BCAS3: variants seen among roughly 807,000 people sequenced by gnomAD.
BCAS3 encodes BCAS4/BCAS3 fusion.
Under a neutral mutation model 116.1 loss-of-function variants are expected in BCAS3, and 53 were observed. The observed-to-expected ratio is 0.46, with a 90% CI of 0.37 to 0.57. The LOEUF (loss-of-function observed/expected upper bound fraction) is 0.57, where lower values mean the gene tolerates loss of function less well. Ranked by LOEUF, BCAS3 falls within the 20% of genes least tolerant of loss-of-function variation. BCAS3 has a pLI of 0.00. For missense variants in BCAS3, 917 were observed against 1,165.4 expected (o/e 0.79, Z 3.10); for synonymous variants, 391 against 408.2 (o/e 0.96, Z 0.51).
At chr17:60,712,857 A>G (rs751337206) in intron 5 of BCAS3, among the ~76,000 whole-genome samples, 3 of 152,144 alleles carry the variant, frequency 2.0e-5, no homozygotes, top group Non-Finnish European at 2.9e-5. Context: ...CAGTTTTGAG[A>G]GTTAGTAAAT....
chr17:61,149,671 CAT>C (rs2077439751), intron 22 of BCAS3, among the ~76,000 whole-genome samples: 1 of 152,120 alleles, frequency 6.6e-6, no homozygotes, highest in African/African-American at 2.4e-5. Context: ...GAGAAGCACA[CAT>C]GTGTTGGGAA....
chr17:61,178,042 T>C (rs993859884), intron 22 of BCAS3, among the ~76,000 whole-genome samples: 1 of 152,164 alleles, frequency 6.6e-6, no homozygotes, highest in African/African-American at 2.4e-5. Flanking sequence ...TTTGAATGTT[T>C]GAGTTGGTGT....
intron 7 of BCAS3, chr17:60,851,381 G>A (rs144965965): frequency 4.3e-5 from 16 of 368,188 alleles, no homozygotes; most frequent in Middle Eastern, 5.0e-4. Flanking sequence ...CCGCCACCAG[G>A]ATGCCCGAGA....
intron 6 of BCAS3, among the ~76,000 whole-genome samples, chr17:60,752,343 T>C (rs948372226): frequency 1.3e-5 from 2 of 152,204 alleles, no homozygotes; most frequent in Non-Finnish European, 2.9e-5. Flanking sequence ...TACTTCCGTA[T>C]ATGTACATTT....
intron 7 of BCAS3, among the ~76,000 whole-genome samples, chr17:60,844,600 G>T (rs1302208113): frequency 6.6e-6 from 1 of 152,078 alleles, no homozygotes; most frequent in African/African-American, 2.4e-5. Flanking sequence ...CTTGCCCTTG[G>T]TTCAGATACC....
chr17:60,997,932 A>C (rs1284322531), intron 15 of BCAS3, among the ~76,000 whole-genome samples: 2 of 152,176 alleles, frequency 1.3e-5, no homozygotes, highest in Non-Finnish European at 2.9e-5. Context: ...TTGGACTTCC[A>C]TTGATTCCGT....
chr17:61,160,026 G>T (rs1188112123), intron 22 of BCAS3, among the ~76,000 whole-genome samples: 3 of 150,312 alleles, frequency 2.0e-5, no homozygotes, highest in Non-Finnish European at 3.0e-5. Context: ...AGTCTCGCTG[G>T]TATCTTTGAT....
chr17:61,198,764 A>C lies in BCAS3; in HGVS notation c.2425+114200A>C, dbSNP rs1231772121. Reference sequence around the variant, plus strand: ...AACCTTAAGTGTAAAAATGAGACAGAGGCTTAGAGGTGTCCTCGGAATTTT... The same window carrying C: ...AACCTTAAGTGTAAAAATGAGACAGCGGCTTAGAGGTGTCCTCGGAATTTT... On this transcript the variant is annotated intron_variant, in intron 22 of 23. Transcript: ENST00000407086. This position sits in a 1 kb window ranked among gnomAD's most constrained non-coding sequence, Gnocchi z 5.0. Among the ~76,000 whole-genome samples the C allele has an allele frequency of 6.6e-6, 1 of 152,226 alleles. No homozygotes were observed. Among genetic ancestry groups the C allele is most frequent in the Non-Finnish European group, 1.5e-5 (1 of 68,044 alleles).
chr17:61,268,001 A>G (rs1374837873), intron 22 of BCAS3, among the ~76,000 whole-genome samples: 4 of 152,006 alleles, frequency 2.6e-5, no homozygotes, highest in Non-Finnish European at 5.9e-5. Context: ...GTAATGTCCT[A>G]CATTTGGTGC....
intron 22 of BCAS3, among the ~76,000 whole-genome samples, chr17:61,338,903 A>G (rs4011667): frequency 1.6e-5 from 2 of 123,872 alleles, no homozygotes; most frequent in African/African-American, 6.9e-5. Context: ...AAAAAAAAAA[A>G]AAAAAAAAAA....
At chr17:60,776,182 TTCA>T (rs2045264532) in intron 6 of BCAS3, among the ~76,000 whole-genome samples, 1 of 152,208 alleles carries the variant, frequency 6.6e-6, no homozygotes, top group Non-Finnish European at 1.5e-5. Flanking sequence ...ATGTTTTAAA[TTCA>T]TCATAACAGT....
chr17:60,967,212 C>A lies in BCAS3; in HGVS notation c.1221+19860C>A, dbSNP rs7217134. On this transcript the variant is annotated intron_variant, in intron 14 of 23. Transcript: ENST00000407086. The surrounding 1 kb of genome is among the most constrained non-coding windows in gnomAD (Gnocchi z 4.7). ...GTTCAGATTGAATTATTCTCGTTAGCATTTCTTGTTAGGTGGGTCAGGTGG... is the reference window on the plus strand; with the variant it reads ...GTTCAGATTGAATTATTCTCGTTAGAATTTCTTGTTAGGTGGGTCAGGTGG... Among the ~76,000 whole-genome samples, 9,101 of 152,106 alleles carry A rather than the reference C, an allele frequency of 0.06. 921 individuals are homozygous for A. Among genetic ancestry groups the A allele is most frequent in the African/African-American group, 0.2 (8,473 of 41,450 alleles).
rs543788044 is a variant in BCAS3, at chr17:61,077,867, C to T, written c.2131-466C>T. ...CTTGGATGGTTCAAGAACAACTTCA[C>T]GTTTGTCATAAGCTTGATCCTCAGT... On this transcript the variant is annotated intron_variant, in intron 20 of 23. Coordinates refer to ENST00000407086, the MANE Select transcript of BCAS3 (RefSeq NM_017679.5). This position sits in a 1 kb window ranked among gnomAD's most constrained non-coding sequence, Gnocchi z 4.3. 2.0e-5 allele frequency among the ~76,000 whole-genome samples: 3 copies of T among 152,190 alleles called. No homozygotes were observed. The highest frequency in any genetic ancestry group is 4.1e-4 in the South Asian group (2 of 4,822).
rs368517520 is a variant in BCAS3 at position 61,039,997 on chromosome 17, A to C, written c.1929-795A>C. ...TTTATTAAGAATCAGAGTCCATCTC[A>C]AACGTGCATAATGATTAGAATCTTT... On this transcript the variant is annotated intron_variant, in intron 18 of 23. Transcript: ENST00000407086. Among the ~76,000 whole-genome samples the C allele has an allele frequency of 4.6e-5, 7 of 152,340 alleles. No individual in the cohort carries two copies. In the East Asian group the frequency reaches 9.6e-4, roughly 21 times the overall value.
At chr17:60,979,440 C>T (rs956096465) in intron 14 of BCAS3, among the ~76,000 whole-genome samples, 2 of 149,492 alleles carry the variant, frequency 1.3e-5, no homozygotes, top group East Asian at 1.9e-4. Flanking sequence ...ACAATCATGT[C>T]GTCTGCAAAC....
At position 60,745,627 on chromosome 17, in the gene BCAS3, T is replaced by G. The variant is rs543749632; in HGVS notation, c.322-1571T>G. Among the ~76,000 whole-genome samples the G allele has an allele frequency of 1.6e-4, 24 of 152,246 alleles. No homozygotes were observed. The South Asian group carries it at 4.8e-3, about 30-fold the overall frequency. ...ACTATAATGGCCATGGTTTTTATTC[T>G]GAAAATTAAAAGTTACAAAGGAATT... On this transcript the variant is annotated intron_variant, in intron 5 of 23. Transcript: ENST00000407086.
chr17:61,059,187 A>G (rs1224009228), intron 19 of BCAS3, among the ~76,000 whole-genome samples: 1 of 141,956 alleles, frequency 7.0e-6, no homozygotes, highest in Non-Finnish European at 1.5e-5. Flanking sequence ...GGTTCACACC[A>G]TTCTCCTGCC....
intron 19 of BCAS3, among the ~76,000 whole-genome samples, chr17:61,069,400 A>G (rs1287944130): frequency 6.6e-6 from 1 of 152,238 alleles, no homozygotes; most frequent in Non-Finnish European, 1.5e-5. Context: ...ACAAGGACAA[A>G]AAACAGAAAA....
Position 60,967,186 on chromosome 17 carries a change from G to C in BCAS3, c.1221+19834G>C, listed in dbSNP as rs1051828404. On this transcript the variant is annotated intron_variant, in intron 14 of 23. Coordinates refer to ENST00000407086, the MANE Select transcript of BCAS3 (RefSeq NM_017679.5). This position sits in a 1 kb window ranked among gnomAD's most constrained non-coding sequence, Gnocchi z 4.7. ...TCTTTTAGCACATCAGAGTTTTCTTGGTTCAGATTGAATTATTCTCGTTAG... is the reference window on the plus strand; with the variant it reads ...TCTTTTAGCACATCAGAGTTTTCTTCGTTCAGATTGAATTATTCTCGTTAG... Among the ~76,000 whole-genome samples, 1 of 152,226 alleles carries C rather than the reference G, an allele frequency of 6.6e-6. No individual in the cohort carries two copies. The highest frequency in any genetic ancestry group is 3.4e-3 in the Middle Eastern group (1 of 294).
Sources: gnomAD v4.1 joint callset for allele counts (sites outside exome capture counted in the v4.1 genomes callset) on GRCh38, gnomAD v4.1.1 for gene constraint, Gnocchi (gnomAD v3.1) non-coding constraint, MANE v1.5 for transcripts, NCBI Gene and HGNC (gene_info 2026-07-23, HGNC 2026-07-21) for gene names.